DGKB: variants seen among roughly 807,000 people sequenced by gnomAD.
DGKB encodes diacylglycerol kinase beta, also known as 90 kDa diacylglycerol kinase.
DGKB carries 67 observed loss-of-function variants against 114.3 expected under a neutral mutation model. That is an observed-to-expected ratio of 0.59 (90% CI 0.48 to 0.72). The LOEUF is 0.72. Ranked by LOEUF, DGKB falls within the 30% of genes least tolerant of loss-of-function variation. The pLI is 0.00. For missense variants in DGKB, 907 were observed against 975.2 expected (o/e 0.93, Z 0.93); for synonymous variants, 398 against 323.1 (o/e 1.23, Z -2.49).
chr7:14,459,398 A>C (rs1303576952), intron 21 of DGKB, among the ~76,000 whole-genome samples: 2 of 152,186 alleles, frequency 1.3e-5, no homozygotes, highest in African/African-American at 4.8e-5. Context: ...CAGTTTAGAG[A>C]AGAACATAAA....
At chr7:14,567,602 T>TAA (rs1384980697) in intron 20 of DGKB, among the ~76,000 whole-genome samples, 1 of 120,118 alleles carries the variant, frequency 8.3e-6, no homozygotes, top group Non-Finnish European at 1.6e-5. Flanking sequence ...AAGATATATA[T>TAA]ATATATATAT....
At chr7:14,872,889 A>G (rs542098660) in intron 1 of DGKB, among the ~76,000 whole-genome samples, 1 of 151,608 alleles carries the variant, frequency 6.6e-6, no homozygotes, top group African/African-American at 2.4e-5. Context: ...TCCAATTTAA[A>G]AATCAGAGCC....
chr7:14,893,943 C>T (rs566601868), intron 1 of DGKB, among the ~76,000 whole-genome samples: 2 of 151,334 alleles, frequency 1.3e-5, no homozygotes, highest in Admixed American at 1.3e-4. Context: ...AAATCGGGTT[C>T]TGTTCATAAG....
chr7:14,722,589 G>A (rs1196480173), intron 5 of DGKB, among the ~76,000 whole-genome samples: 3 of 152,098 alleles, frequency 2.0e-5, no homozygotes, highest in African/African-American at 7.2e-5. Flanking sequence ...CGAGGTGGGA[G>A]GATCACAAGG....
chr7:14,416,263 A>G (rs1825716310), intron 21 of DGKB, among the ~76,000 whole-genome samples: 1 of 152,006 alleles, frequency 6.6e-6, no homozygotes, highest in South Asian at 2.1e-4. Flanking sequence ...ATGTCAATAT[A>G]TTTAAGAAAA....
chr7:14,643,306 C>A (rs1395869477), intron 13 of DGKB, among the ~76,000 whole-genome samples: 1 of 152,118 alleles, frequency 6.6e-6, no homozygotes, highest in Non-Finnish European at 1.5e-5. Context: ...CCCTCACAGA[C>A]CCCGAGCCTA....
At chr7:14,903,672 T>C (rs1042391532), upstream of DGKB, among the ~76,000 whole-genome samples, 2 of 152,182 alleles carry the variant, frequency 1.3e-5, no homozygotes, top group Middle Eastern at 3.4e-3. Flanking sequence ...ATGGATGAAG[T>C]AGAAAGGCAG....
chr7:14,775,766 C>A (rs1249376546), intron 2 of DGKB, among the ~76,000 whole-genome samples: 1 of 152,054 alleles, frequency 6.6e-6, no homozygotes, highest in Non-Finnish European at 1.5e-5. Flanking sequence ...AGTTAAACCT[C>A]TTTCCTTTAT....
intron 1 of DGKB, among the ~76,000 whole-genome samples, chr7:14,928,744 G>A (rs985399338): frequency 1.2e-4 from 18 of 150,712 alleles, no homozygotes; most frequent in African/African-American, 4.1e-4. Flanking sequence ...GCATGGGGGT[G>A]AAGTTAGGGC....
At chr7:14,539,572 G>A (rs1462946176) in intron 20 of DGKB, among the ~76,000 whole-genome samples, 1 of 152,086 alleles carries the variant, frequency 6.6e-6, no homozygotes, top group Non-Finnish European at 1.5e-5. Context: ...GCTGAAACAT[G>A]AAAGTTAAGC....
At chr7:14,397,848 C>A (rs1386799680) in intron 21 of DGKB, among the ~76,000 whole-genome samples, 1 of 152,030 alleles carries the variant, frequency 6.6e-6, no homozygotes, top group Non-Finnish European at 1.5e-5. Flanking sequence ...GGGTTTTCTC[C>A]TTTTAGATAA....
intron 20 of DGKB, among the ~76,000 whole-genome samples, chr7:14,529,855 A>G (rs1000868329): frequency 6.6e-6 from 1 of 151,754 alleles, no homozygotes; most frequent in Admixed American, 6.6e-5. Flanking sequence ...TTGGAATTCT[A>G]CACTATAATA....
intron 21 of DGKB, among the ~76,000 whole-genome samples, chr7:14,469,962 C>T (rs1781034394): frequency 6.6e-6 from 1 of 151,778 alleles, no homozygotes; most frequent in Non-Finnish European, 1.5e-5. Flanking sequence ...TTTATCTGTA[C>T]ACTATATGGT....
intron 1 of DGKB, among the ~76,000 whole-genome samples, chr7:14,860,382 G>A (rs926802830): frequency 2.6e-5 from 4 of 151,926 alleles, no homozygotes; most frequent in African/African-American, 7.2e-5. Flanking sequence ...GATGACAATT[G>A]CATACATTCA....
intron 20 of DGKB, among the ~76,000 whole-genome samples, chr7:14,505,445 C>T (rs1210121470): frequency 6.7e-6 from 1 of 150,330 alleles, no homozygotes; most frequent in Non-Finnish European, 1.5e-5. Context: ...CAGAGTGAGA[C>T]TCCGTCTCGA....
chr7:14,371,218 T>C (rs1817583458), intron 21 of DGKB, among the ~76,000 whole-genome samples: 1 of 152,124 alleles, frequency 6.6e-6, no homozygotes, highest in Non-Finnish European at 1.5e-5. Context: ...TGGTATTCTG[T>C]TTTAAGTTCT....
intron 21 of DGKB, among the ~76,000 whole-genome samples, chr7:14,364,360 G>A (rs1217627325): frequency 6.6e-6 from 1 of 150,582 alleles, no homozygotes; most frequent in Admixed American, 6.6e-5. Context: ...GGGATTACTG[G>A]CTTAAACAAT....
At chr7:14,574,423 A>G in intron 19 of DGKB, 51 bp from the exon 20 acceptor site, 1 of 1,512,472 alleles carries the variant, frequency 6.6e-7, no homozygotes, top group Non-Finnish European at 9.0e-7. Flanking sequence ...CAAATAAAAA[A>G]GCTGTATTTT....
At chr7:14,867,014 CA>C (rs1282431993) in intron 1 of DGKB, among the ~76,000 whole-genome samples, 1 of 152,170 alleles carries the variant, frequency 6.6e-6, no homozygotes, top group African/African-American at 2.4e-5. Flanking sequence ...GCTTATTTAA[CA>C]TCTGTATATT....
Sources: gnomAD v4.1 joint callset for allele counts (sites outside exome capture counted in the v4.1 genomes callset) on GRCh38, gnomAD v4.1.1 for gene constraint, MANE v1.5 for transcripts, NCBI Gene and HGNC (gene_info 2026-07-23, HGNC 2026-07-21) for gene names.